Variants in CRPPA observed in about 807,000 individuals in gnomAD.
The protein encoded by CRPPA is CDP-L-ribitol pyrophosphorylase A, also known as D-ribitol-5-phosphate cytidylyltransferase.
Under a neutral mutation model 52.0 loss-of-function variants are expected in CRPPA, and 43 were observed. The ratio of observed to expected loss-of-function variants is 0.83; its 90% CI spans 0.65 to 1.07. CRPPA has a LOEUF of 1.07. Ranked by LOEUF, CRPPA falls within the 50% of genes least tolerant of loss-of-function variation. The probability of loss-of-function intolerance (pLI) is 0.00; values close to 1 mark genes in which losing one functional copy is unlikely to be tolerated. For synonymous variants in CRPPA, 250 were observed against 203.5 expected, an observed-to-expected ratio of 1.23 and a Z score of -1.94; for missense variants, 629 against 551.7, an observed-to-expected ratio of 1.14 and a Z score of -1.40.
chr7:16,160,835 CT>C (rs1308618322), intron 9 of CRPPA, among the ~76,000 whole-genome samples: 7 of 152,020 alleles, frequency 4.6e-5, no homozygotes, highest in Non-Finnish European at 1.0e-4. Flanking sequence ...CCTCTCATTT[CT>C]TTGAGCAGTG....
intron 2 of CRPPA, among the ~76,000 whole-genome samples, chr7:16,391,034 G>C (rs777886587): frequency 6.6e-6 from 1 of 152,164 alleles, no homozygotes; most frequent in African/African-American, 2.4e-5. Context: ...ATCTACATGA[G>C]AACTTCCAAA....
chr7:16,323,831 A>C (rs1000216640), intron 3 of CRPPA, among the ~76,000 whole-genome samples: 2 of 152,228 alleles, frequency 1.3e-5, no homozygotes, highest in Non-Finnish European at 2.9e-5. Flanking sequence ...TTGTGCAAAA[A>C]AAAGCACATC....
chr7:16,272,634 T>C (rs1784115095), intron 6 of CRPPA, among the ~76,000 whole-genome samples: 1 of 152,178 alleles, frequency 6.6e-6, no homozygotes, highest in Non-Finnish European at 1.5e-5. Context: ...ATGAGATAAA[T>C]TTACCTTTAT....
At chr7:16,420,482 G>C (rs1788299812) in intron 1 of CRPPA, among the ~76,000 whole-genome samples, 1 of 152,010 alleles carries the variant, frequency 6.6e-6, no homozygotes. Context: ...GTTAACTTCA[G>C]TGCCCTTTCT....
intron 3 of CRPPA, among the ~76,000 whole-genome samples, chr7:16,336,393 T>C (rs995773080): frequency 1.3e-5 from 2 of 152,130 alleles, no homozygotes; most frequent in Admixed American, 6.5e-5. Flanking sequence ...TTTTTGTATG[T>C]AATTAAAGGC....
chr7:16,330,891 C>T (rs907883764), intron 3 of CRPPA, among the ~76,000 whole-genome samples: 6 of 152,308 alleles, frequency 3.9e-5, no homozygotes, highest in East Asian at 3.9e-4. Flanking sequence ...AACACCCAGC[C>T]CTCCATGTGG....
At chr7:16,159,011 G>A (rs1488680447) in intron 9 of CRPPA, among the ~76,000 whole-genome samples, 3 of 152,100 alleles carry the variant, frequency 2.0e-5, no homozygotes, top group Admixed American at 6.5e-5. Context: ...CATAAAATAC[G>A]TGACAATTTC....
intron 5 of CRPPA, among the ~76,000 whole-genome samples, chr7:16,298,108 A>G (rs767878474): frequency 6.6e-6 from 1 of 152,188 alleles, no homozygotes; most frequent in Non-Finnish European, 1.5e-5. Context: ...CTACTATCAG[A>G]GACAATTTGA....
chr7:16,107,993 T>C (rs529601152), intron 9 of CRPPA, among the ~76,000 whole-genome samples: 1 of 152,004 alleles, frequency 6.6e-6, no homozygotes, highest in Non-Finnish European at 1.5e-5. Context: ...AGAAAAAATA[T>C]TCAGTGGAAA....
intron 9 of CRPPA, among the ~76,000 whole-genome samples, chr7:16,121,004 G>C (rs1465231244): frequency 2.0e-5 from 3 of 151,930 alleles, no homozygotes; most frequent in East Asian, 3.9e-4. Flanking sequence ...AGAAAAAAAT[G>C]TACATAGAGA....
At chr7:16,159,238 G>A (rs902413668) in intron 9 of CRPPA, among the ~76,000 whole-genome samples, 1 of 152,126 alleles carries the variant, frequency 6.6e-6, no homozygotes. Flanking sequence ...CCAACATGGT[G>A]AAATCTTCTC....
At chr7:16,270,774 T>C (rs948010917) in intron 6 of CRPPA, among the ~76,000 whole-genome samples, 2 of 152,292 alleles carry the variant, frequency 1.3e-5, no homozygotes, top group South Asian at 4.1e-4. Context: ...ATCCTGTATA[T>C]TCACGCTAAA....
At chr7:16,334,662 C>T (rs181371750) in intron 3 of CRPPA, among the ~76,000 whole-genome samples, 2 of 152,224 alleles carry the variant, frequency 1.3e-5, no homozygotes, top group Non-Finnish European at 2.9e-5. Flanking sequence ...ACTCAGGTGA[C>T]AGCCTCAACT....
chr7:16,358,443 C>A (rs1327559739), intron 3 of CRPPA, among the ~76,000 whole-genome samples: 2 of 152,134 alleles, frequency 1.3e-5, no homozygotes, highest in Non-Finnish European at 2.9e-5. Context: ...CGGGCTAAAT[C>A]CCTTCTGATT....
At chr7:16,121,663 A>G (rs1782483265) in intron 9 of CRPPA, among the ~76,000 whole-genome samples, 1 of 152,082 alleles carries the variant, frequency 6.6e-6, no homozygotes. Flanking sequence ...TCAAAATGTC[A>G]TTTTCTCTTA....
At chr7:16,219,302 G>T (rs1016228106) in intron 8 of CRPPA, among the ~76,000 whole-genome samples, 6 of 147,734 alleles carry the variant, frequency 4.1e-5, no homozygotes, top group Admixed American at 1.4e-4. Context: ...AGTGTGTAGA[G>T]GGAAATTTAT....
chr7:16,282,109 CT>C (rs1180032115), intron 5 of CRPPA, among the ~76,000 whole-genome samples: 2 of 152,012 alleles, frequency 1.3e-5, no homozygotes, highest in African/African-American at 4.8e-5. Context: ...TTGTTTGCTG[CT>C]TCTCTTTTTA....
intron 5 of CRPPA, among the ~76,000 whole-genome samples, chr7:16,288,827 C>A (rs113269395): frequency 9.1e-6 from 1 of 109,360 alleles, no homozygotes; most frequent in African/African-American, 3.7e-5. Flanking sequence ...GTCTGGGCAA[C>A]GGAGTGAGAC....
chr7:16,399,597 T>C (rs1562682836), intron 2 of CRPPA, among the ~76,000 whole-genome samples: 2 of 151,726 alleles, frequency 1.3e-5, no homozygotes, highest in African/African-American at 4.8e-5. Context: ...ACTTACACGA[T>C]TGGCATGTGT....
Sources: allele counts gnomAD v4.1 joint callset (sites outside exome capture counted in the v4.1 genomes callset), GRCh38; gene constraint gnomAD v4.1.1; transcripts MANE v1.5; gene names NCBI Gene and HGNC (gene_info 2026-07-23, HGNC 2026-07-21).